Variants in CTNNA2 observed in about 807,000 individuals in gnomAD.
CTNNA2 encodes catenin alpha-2.
Under a neutral mutation model 101.0 loss-of-function variants are expected in CTNNA2, and 42 were observed. That is an observed-to-expected ratio of 0.42 (90% CI 0.32 to 0.54). The LOEUF is 0.54. CTNNA2 is among the 20% of genes least tolerant of loss of function. The pLI is 0.14. For missense variants in CTNNA2, 871 were observed against 1,223.1 expected, an observed-to-expected ratio of 0.71 and a Z score of 4.29; for synonymous variants, 450 against 456.4, an observed-to-expected ratio of 0.99 and a Z score of 0.18.
At chr2:79,313,400 A>G (rs955188441) in intron 3 of CTNNA2, among the ~76,000 whole-genome samples, 4 of 152,202 alleles carry the variant, frequency 2.6e-5, no homozygotes, top group African/African-American at 9.7e-5. Flanking sequence ...GTATGTCAAG[A>G]ACTATGCTAT....
intron 2 of CTNNA2, among the ~76,000 whole-genome samples, chr2:79,273,031 C>A (rs774011215): frequency 1.3e-5 from 2 of 152,002 alleles, no homozygotes; most frequent in Non-Finnish European, 2.9e-5. Flanking sequence ...AGTGCCATAT[C>A]AAGGTACATG....
chr2:79,818,316 GTTTTTTGT>G (rs1403503927), intron 3 of CTNNA2, among the ~76,000 whole-genome samples: 2 of 151,680 alleles, frequency 1.3e-5, no homozygotes, highest in African/African-American at 4.8e-5. Context: ...CTTTGTTTTT[GTTTTTTGT>G]TTTTTTGAGA....
At chr2:80,203,448 C>T (rs1392661374) in intron 7 of CTNNA2, among the ~76,000 whole-genome samples, 1 of 152,218 alleles carries the variant, frequency 6.6e-6, no homozygotes, top group East Asian at 1.9e-4. Context: ...TTGGCCAAAA[C>T]AATGGGGCCA....
intron 2 of CTNNA2, chr2:79,687,583 G>T: frequency 1.4e-6 from 1 of 704,104 alleles, no homozygotes. Context: ...TTTTCCACCG[G>T]ATATTTCAAA....
intron 3 of CTNNA2, among the ~76,000 whole-genome samples, chr2:79,341,002 T>C (rs909832520): frequency 6.6e-6 from 1 of 151,886 alleles, no homozygotes; most frequent in African/African-American, 2.4e-5. Context: ...GGCTATCATG[T>C]ACAATAAATA....
At chr2:79,195,804 G>T (rs544611230) in intron 1 of CTNNA2, 1 of 513,800 alleles carries the variant, frequency 1.9e-6, no homozygotes, top group African/African-American at 1.9e-5. Flanking sequence ...ACAAAGCAAG[G>T]CCCGGCATAG....
intron 18 of CTNNA2, among the ~76,000 whole-genome samples, chr2:80,639,935 C>G (rs1416862352): frequency 6.6e-6 from 1 of 151,938 alleles, no homozygotes; most frequent in Non-Finnish European, 1.5e-5. Context: ...ACCCCCATCT[C>G]TACTAAAAAT....
chr2:80,249,828 T>C (rs570562748), intron 7 of CTNNA2, among the ~76,000 whole-genome samples: 1 of 152,362 alleles, frequency 6.6e-6, no homozygotes, highest in South Asian at 2.1e-4. Context: ...AGCATACCTG[T>C]TATTAAAAAT....
intron 7 of CTNNA2, among the ~76,000 whole-genome samples, chr2:79,972,839 T>C (rs1690578530): frequency 6.6e-6 from 1 of 152,178 alleles, no homozygotes. Context: ...AGTTTGGCAA[T>C]ACTGTTAGTG....
At chr2:79,991,457 C>G (rs1459326244) in intron 7 of CTNNA2, among the ~76,000 whole-genome samples, 1 of 152,024 alleles carries the variant, frequency 6.6e-6, no homozygotes, top group Non-Finnish European at 1.5e-5. Flanking sequence ...TTCTCTAGAT[C>G]TCCCCTAGAG....
Position 79,909,673 on chromosome 2 carries a change from T to C in CTNNA2, c.932T>C (p.Ile311Thr). 6.2e-7 allele frequency: 1 copy of C among 1,613,818 alleles called. No homozygotes were observed. The highest frequency in any genetic ancestry group is 8.5e-7 in the Non-Finnish European group (1 of 1,179,786). ...CTGGAGGAGAGGCTGGAGAGCATCA[T>C]CAGCGGCGCAGCGCTGATGGCCGAC... ...PSLEERLESI[I>T]SGAALMADSS... The change falls in exon 7 of 19, where the codon ATC becomes ACC. Residue 311 changes from isoleucine to threonine, a missense_variant. Coordinates refer to ENST00000402739, the MANE Select transcript of CTNNA2 (RefSeq NM_001282597.3).
chr2:80,255,847 G>A (rs1672098502), intron 7 of CTNNA2, among the ~76,000 whole-genome samples: 1 of 152,132 alleles, frequency 6.6e-6, no homozygotes, highest in Non-Finnish European at 1.5e-5. Context: ...ATCACGTGCT[G>A]TTGCCATTGT....
chr2:80,637,246 C>T (rs1672978229), intron 18 of CTNNA2, among the ~76,000 whole-genome samples: 1 of 152,180 alleles, frequency 6.6e-6, no homozygotes, highest in Non-Finnish European at 1.5e-5. Context: ...GTGCCAGGCA[C>T]TCAACTTCAG....
At chr2:80,095,440 T>C (rs1700083789) in intron 7 of CTNNA2, among the ~76,000 whole-genome samples, 1 of 152,244 alleles carries the variant, frequency 6.6e-6, no homozygotes, top group Non-Finnish European at 1.5e-5. Flanking sequence ...TCAATGTTCA[T>C]CAAGGATATT....
chr2:80,092,205 C>T (rs930687157), intron 7 of CTNNA2, among the ~76,000 whole-genome samples: 1 of 152,088 alleles, frequency 6.6e-6, no homozygotes, highest in Non-Finnish European at 1.5e-5. Context: ...CAGTGGCCTC[C>T]TAGAACAAGG....
chr2:80,523,576 A>G (rs1390351867), intron 9 of CTNNA2, among the ~76,000 whole-genome samples: 1 of 152,204 alleles, frequency 6.6e-6, no homozygotes, highest in African/African-American at 2.4e-5. Context: ...GGTCTTTTCT[A>G]TTGCAGTCCT....
At chr2:79,504,991 C>T (rs1671381779) in intron 4 of CTNNA2, 1 of 152,206 alleles carries the variant, frequency 6.6e-6, no homozygotes, top group Non-Finnish European at 1.5e-5. Context: ...TGGGAGAAGA[C>T]AGGAAGGCAG....
At chr2:80,555,640 T>G in intron 11 of CTNNA2, 53 bp from the exon 12 acceptor site, 2 of 1,113,620 alleles carry the variant, frequency 1.8e-6, no homozygotes, top group Admixed American at 2.8e-5. Context: ...TTTTAATTGG[T>G]TAAGTTCTGA....
At chr2:80,532,584 C>G (rs1352434720) in intron 9 of CTNNA2, among the ~76,000 whole-genome samples, 1 of 152,014 alleles carries the variant, frequency 6.6e-6, no homozygotes, top group Non-Finnish European at 1.5e-5. Context: ...CTTACTGTTC[C>G]CAGGTTACAA....
Sources: allele counts gnomAD v4.1 joint callset (sites outside exome capture counted in the v4.1 genomes callset), GRCh38; gene constraint gnomAD v4.1.1; transcripts MANE v1.5; gene names NCBI Gene and HGNC (gene_info 2026-07-23, HGNC 2026-07-21).